WWOX: variants seen among roughly 807,000 people sequenced by gnomAD.
WWOX encodes WW domain-containing oxidoreductase.
WWOX carries 69 observed loss-of-function variants against 46.2 expected under a neutral mutation model. That is an observed-to-expected ratio of 1.49 (90% CI 1.23 to 1.82). The LOEUF (loss-of-function observed/expected upper bound fraction) is 1.82. Among genes scored for constraint, WWOX ranks in the 40% most tolerant of loss-of-function variants. The pLI is 0.00. For missense variants in WWOX, 919 were observed against 542.6 expected (o/e 1.69, Z -6.89); for synonymous variants, 359 against 202.6 (o/e 1.77, Z -6.56).
chr16:79,019,670 C>G (rs572721980), intron 8 of WWOX, among the ~76,000 whole-genome samples: 2 of 151,916 alleles, frequency 1.3e-5, no homozygotes, highest in South Asian at 2.1e-4. Flanking sequence ...AAGGGAGACT[C>G]CAACCCCGGG....
chr16:78,649,282 AC>A (rs1487099405), intron 8 of WWOX, among the ~76,000 whole-genome samples: 1 of 150,718 alleles, frequency 6.6e-6, no homozygotes, highest in East Asian at 2.0e-4. Flanking sequence ...ACCGTGACTG[AC>A]CTGTTTTTAA....
intron 8 of WWOX, among the ~76,000 whole-genome samples, chr16:78,803,845 TAGTC>T (rs772188352): frequency 5.3e-5 from 8 of 152,086 alleles, no homozygotes; most frequent in African/African-American, 7.2e-5. Context: ...ACAAATAAAA[TAGTC>T]AGAGCTCAAA....
At chr16:78,457,305 A>G (rs2083842962) in intron 8 of WWOX, among the ~76,000 whole-genome samples, 3 of 152,218 alleles carry the variant, frequency 2.0e-5, no homozygotes, top group African/African-American at 7.2e-5. Flanking sequence ...ATAAAGCAGC[A>G]AGAAGTCTTT....
intron 8 of WWOX, among the ~76,000 whole-genome samples, chr16:79,169,349 T>G (rs1002930035): frequency 1.3e-5 from 2 of 152,286 alleles, no homozygotes; most frequent in East Asian, 3.9e-4. Flanking sequence ...CATGACTGCA[T>G]AAACCACAAC....
intron 5 of WWOX, among the ~76,000 whole-genome samples, chr16:78,334,806 ACG>A (rs144097796): frequency 0.029 from 3,829 of 130,612 alleles, 140 homozygotes; most frequent in African/African-American, 0.088. Flanking sequence ...ACACACACAC[ACG>A]CACACACACA....
rs1352934860 is a variant in WWOX at position 78,112,677 on chromosome 16, T to TGAAAATGTG, written c.231-2299_231-2298insGAAAATGTG. 6.2e-3 allele frequency among the ~76,000 whole-genome samples: 927 copies of TGAAAATGTG among 149,836 alleles called. 11 individuals carry two copies. Among genetic ancestry groups the TGAAAATGTG allele is most frequent in the African/African-American group, 0.022 (895 of 40,972 alleles). ...TGTATGTTGAAAATGTTGAAAATGT[T>TGAAAATGTG]TTTTTTTTTTTTCCAAGTTTTCTTT... On this transcript the variant is annotated intron_variant, in intron 3 of 8. Transcript: ENST00000566780.
intron 8 of WWOX, among the ~76,000 whole-genome samples, chr16:78,730,702 C>G (rs1379244092): frequency 6.7e-6 from 1 of 150,350 alleles, no homozygotes; most frequent in African/African-American, 2.5e-5. Flanking sequence ...TCAAGCGATA[C>G]TCCCTCCTTA....
chr16:79,099,468 T>C (rs1419896805), intron 8 of WWOX, among the ~76,000 whole-genome samples: 4 of 152,190 alleles, frequency 2.6e-5, no homozygotes, highest in Admixed American at 2.6e-4. Flanking sequence ...GAGGTCACTT[T>C]CCATTCTAGC....
At chr16:78,380,869 G>T (rs2081940560) in intron 5 of WWOX, among the ~76,000 whole-genome samples, 1 of 152,138 alleles carries the variant, frequency 6.6e-6, no homozygotes, top group African/African-American at 2.4e-5. Context: ...GAAAACAATG[G>T]TCATCACATT....
chr16:78,110,339 C>CAA (rs34862048), intron 3 of WWOX, among the ~76,000 whole-genome samples: 2,425 of 85,338 alleles, frequency 0.028, 85 homozygotes, highest in African/African-American at 0.089. Context: ...GACTCCTTCT[C>CAA]AAAAAAAAAA....
chr16:78,171,616 C>G (rs2035163904), intron 5 of WWOX, among the ~76,000 whole-genome samples: 1 of 152,002 alleles, frequency 6.6e-6, no homozygotes, highest in Non-Finnish European at 1.5e-5. Flanking sequence ...CGATCTGTAG[C>G]TAAACAAAAA....
At chr16:78,328,946 C>T (rs886069254) in intron 5 of WWOX, among the ~76,000 whole-genome samples, 1 of 152,164 alleles carries the variant, frequency 6.6e-6, no homozygotes, top group African/African-American at 2.4e-5. Flanking sequence ...ACTGCAGCCT[C>T]TGCCCCCTGG....
chr16:78,501,226 G>A (rs563444673), intron 8 of WWOX, among the ~76,000 whole-genome samples: 1 of 45,548 alleles, frequency 2.2e-5, no homozygotes, highest in African/African-American at 4.6e-5. Flanking sequence ...TTTTGGAGCA[G>A]CACCTGCATG....
intron 8 of WWOX, among the ~76,000 whole-genome samples, chr16:78,532,934 C>G (rs1012356793): frequency 2.3e-4 from 35 of 152,132 alleles, no homozygotes; most frequent in African/African-American, 8.5e-4. Context: ...AAGGAAACCA[C>G]CAAGGGACCA....
intron 5 of WWOX, among the ~76,000 whole-genome samples, chr16:78,236,998 C>T (rs951589653): frequency 4.1e-5 from 6 of 147,140 alleles, no homozygotes; most frequent in African/African-American, 1.5e-4. Flanking sequence ...CACTTGAACC[C>T]AGGAGGCGGA....
At chr16:78,697,740 G>C (rs371439117) in intron 8 of WWOX, among the ~76,000 whole-genome samples, 5 of 152,286 alleles carry the variant, frequency 3.3e-5, no homozygotes, top group African/African-American at 9.6e-5. Context: ...TGTTGAGTAG[G>C]TTAGGTGTGT....
At chr16:78,674,785 C>G (rs557722558) in intron 8 of WWOX, among the ~76,000 whole-genome samples, 3 of 151,906 alleles carry the variant, frequency 2.0e-5, no homozygotes, top group Non-Finnish European at 4.4e-5. Flanking sequence ...TGTACTCTTC[C>G]CATATATTTT....
chr16:78,486,665 C>G (rs1245963986), intron 8 of WWOX, among the ~76,000 whole-genome samples: 1 of 152,148 alleles, frequency 6.6e-6, no homozygotes, highest in Non-Finnish European at 1.5e-5. Context: ...GCCTCTGCCT[C>G]CTGGGTTTAA....
intron 8 of WWOX, among the ~76,000 whole-genome samples, chr16:78,975,833 T>C (rs1223590897): frequency 6.6e-6 from 1 of 152,146 alleles, no homozygotes; most frequent in African/African-American, 2.4e-5. Context: ...AGGCAAGACC[T>C]CTGGCTCCTA....
Sources: allele counts gnomAD v4.1 joint callset (sites outside exome capture counted in the v4.1 genomes callset), GRCh38; gene constraint gnomAD v4.1.1; transcripts MANE v1.5; gene names NCBI Gene and HGNC (gene_info 2026-07-23, HGNC 2026-07-21).